MRTFA: variants seen among roughly 807,000 people sequenced by gnomAD.
MRTFA encodes the protein myocardin-related transcription factor A.
In MRTFA, 20 loss-of-function variants were observed where a neutral mutation model predicts 83.5. The observed-to-expected ratio is 0.24, with a 90% CI of 0.17 to 0.35. The LOEUF is 0.35. Ranked by LOEUF, MRTFA falls within the 10% of genes least tolerant of loss-of-function variation. MRTFA has a pLI of 1.00. For missense variants in MRTFA, 1,200 were observed against 1,224.7 expected (o/e 0.98, Z 0.30); for synonymous variants, 659 against 541.2 (o/e 1.22, Z -3.02).
At chr22:40,516,145 C>T (rs191521624) in intron 3 of MRTFA, among the ~76,000 whole-genome samples, 2 of 152,028 alleles carry the variant, frequency 1.3e-5, no homozygotes, top group Non-Finnish European at 2.9e-5. Flanking sequence ...GGGCTAGGCA[C>T]GGTGGCTCAT....
chr22:40,583,125 A>T (rs1035557031), intron 2 of MRTFA, among the ~76,000 whole-genome samples: 4 of 151,278 alleles, frequency 2.6e-5, no homozygotes, highest in African/African-American at 4.9e-5. Context: ...TTCCCTGATT[A>T]AAAAAAACAG....
At chr22:40,587,853 G>T (rs1404107892) in intron 2 of MRTFA, 3 of 399,324 alleles carry the variant, frequency 7.5e-6, no homozygotes, top group Non-Finnish European at 9.6e-6. Context: ...AGATAGGGCT[G>T]TCTGTTGTTT....
chr22:40,524,357 C>T (rs1195251105), intron 3 of MRTFA, among the ~76,000 whole-genome samples: 2 of 152,270 alleles, frequency 1.3e-5, no homozygotes, highest in African/African-American at 4.8e-5. Flanking sequence ...CCATTTTATG[C>T]CTACAACAAA....
chr22:40,533,752 G>T, intron 3 of MRTFA: 1 of 502,932 alleles, frequency 2.0e-6, no homozygotes, highest in Non-Finnish European at 3.1e-6. Flanking sequence ...GCTCAAATCA[G>T]ACTGTGAGAA....
At chr22:40,595,214 G>A (rs747232597) in intron 1 of MRTFA, among the ~76,000 whole-genome samples, 4 of 149,332 alleles carry the variant, frequency 2.7e-5, no homozygotes, top group Admixed American at 6.8e-5. Flanking sequence ...CCGACTCCCA[G>A]GTTGAAGCAA....
chr22:40,577,344 G>A (rs957355186), intron 2 of MRTFA, among the ~76,000 whole-genome samples: 2 of 151,078 alleles, frequency 1.3e-5, no homozygotes, highest in African/African-American at 4.9e-5. Flanking sequence ...TTTCCAACTT[G>A]AAAGACTCCA....
At position 40,410,582 on chromosome 22, in the gene MRTFA, AAGGAGCC is replaced by A. The variant is rs982256679; in HGVS notation, c.*801_*807del. The A allele has an allele frequency of 8.6e-6, 2 of 232,614 alleles. No individual in the cohort carries two copies. The highest frequency in any genetic ancestry group is 4.4e-5 in the African/African-American group (2 of 45,128). The allele number at this position is 232,614 out of a possible 1,614,324, so 14.4% of individuals were successfully genotyped here. A position where few individuals can be genotyped will look rare whatever the true frequency, so the allele number is the denominator to read the frequency against. On this transcript the variant is annotated 3_prime_UTR_variant, in exon 15 of 15. Coordinates refer to ENST00000355630, the MANE Select transcript of MRTFA (RefSeq NM_020831.6). ...GCACCTCTGCCCTCATGGCACTGAT[AAGGAGCC>A]AGGAAGCAGGGCAGGTGGGGCATAG...
chr22:40,517,113 C>T (rs993530440), intron 3 of MRTFA, among the ~76,000 whole-genome samples: 4 of 152,024 alleles, frequency 2.6e-5, no homozygotes. Flanking sequence ...GTAGAAATGG[C>T]AGTCTCACTA....
At chr22:40,478,734 A>G (rs2054039576) in intron 3 of MRTFA, among the ~76,000 whole-genome samples, 1 of 152,168 alleles carries the variant, frequency 6.6e-6, no homozygotes, top group South Asian at 2.1e-4. Flanking sequence ...ACAACATGCA[A>G]CATCTGGTGG....
At chr22:40,585,984 GGTAA>G (rs1414993263) in intron 2 of MRTFA, among the ~76,000 whole-genome samples, 1 of 151,890 alleles carries the variant, frequency 6.6e-6, no homozygotes, top group Non-Finnish European at 1.5e-5. Flanking sequence ...ACCTAATAAG[GGTAA>G]GTATTATTTC....
In MRTFA at chr22:40,410,332, A is replaced by G. The variant is rs150895647; in HGVS notation, c.*1058T>C. Reference sequence around the variant, plus strand: ...TTTAAAAAGTTCACACACCTTCCCCATCTTTGTCCCAGCACTGGTTTTGGT... The same window carrying G: ...TTTAAAAAGTTCACACACCTTCCCCGTCTTTGTCCCAGCACTGGTTTTGGT... On this transcript the variant is annotated 3_prime_UTR_variant, in exon 15 of 15. Transcript: ENST00000355630. 3.7e-4 allele frequency: 121 copies of G among 327,320 alleles called. No homozygotes were observed. Among genetic ancestry groups the G allele is most frequent in the African/African-American group, 1.5e-3 (71 of 47,000 alleles). 20.3% of individuals were successfully genotyped at this position (327,320 alleles called of 1,614,324 possible).
intron 7 of MRTFA, among the ~76,000 whole-genome samples, chr22:40,425,887 T>A (rs2052944154): frequency 6.6e-6 from 1 of 152,122 alleles, no homozygotes; most frequent in Non-Finnish European, 1.5e-5. Context: ...CACTACAGAC[T>A]ATTTCTCTCT....
chr22:40,512,131 G>A (rs1485435270), intron 3 of MRTFA, among the ~76,000 whole-genome samples: 1 of 152,090 alleles, frequency 6.6e-6, no homozygotes, highest in African/African-American at 2.4e-5. Context: ...TCCCTTGTGA[G>A]GAAAATAAGG....
intron 3 of MRTFA, among the ~76,000 whole-genome samples, chr22:40,484,801 G>A (rs527772150): frequency 1.3e-4 from 20 of 151,916 alleles, no homozygotes; most frequent in African/African-American, 4.1e-4. Flanking sequence ...AGGCGGGTGC[G>A]GTGGCTCACA....
At chr22:40,602,677 TAA>T (rs133031) in intron 1 of MRTFA, among the ~76,000 whole-genome samples, 94 of 128,580 alleles carry the variant, frequency 7.3e-4, no homozygotes, top group Non-Finnish European at 6.8e-4. Flanking sequence ...CATCTCCACT[TAA>T]AAAAAAAAAA....
Position 40,418,951 on chromosome 22 carries a change from A to T in MRTFA, c.1787T>A (p.Ile596Asn). 6.2e-7 allele frequency: 1 copy of T among 1,612,820 alleles called. No homozygotes were observed. Among genetic ancestry groups the T allele is most frequent in the Non-Finnish European group, 8.5e-7 (1 of 1,179,926 alleles). ...CCGGGGGCCCTCCTCCTTCACGAGGATCTGCAGTGGCGAGGCCTGCAGGGT... is the reference window on the plus strand; with the variant it reads ...CCGGGGGCCCTCCTCCTTCACGAGGTTCTGCAGTGGCGAGGCCTGCAGGGT... The change falls in exon 12 of 15, where the codon ATC (isoleucine) becomes AAC (asparagine). Residue 596 changes from isoleucine to asparagine, a missense_variant. Coordinates refer to ENST00000355630, the MANE Select transcript of MRTFA (RefSeq NM_020831.6).
At chr22:40,419,563 A>G (rs1162495284) in intron 11 of MRTFA, among the ~76,000 whole-genome samples, 179 bp from the exon 12 acceptor site, 5 of 152,054 alleles carry the variant, frequency 3.3e-5, no homozygotes, top group Admixed American at 3.3e-4. Flanking sequence ...CCTCTCTTTC[A>G]TTGTTCTCAC....
At chr22:40,519,565 G>A in intron 3 of MRTFA, 2 of 1,347,944 alleles carry the variant, frequency 1.5e-6, no homozygotes, top group Non-Finnish European at 2.0e-6. Context: ...CAAAGTGGAG[G>A]TGAAAGGCAA....
At chr22:40,481,725 C>T (rs2054094080) in intron 3 of MRTFA, among the ~76,000 whole-genome samples, 2 of 152,076 alleles carry the variant, frequency 1.3e-5, no homozygotes, top group African/African-American at 4.8e-5. Context: ...TGCAAAGGCA[C>T]TGAGAAAAGG....
Sources: allele counts gnomAD v4.1 joint callset (sites outside exome capture counted in the v4.1 genomes callset), GRCh38; gene constraint gnomAD v4.1.1; transcripts MANE v1.5; gene names NCBI Gene and HGNC (gene_info 2026-07-23, HGNC 2026-07-21).